Variants in MEIS2 observed in about 807,000 individuals in gnomAD.
MEIS2 encodes the protein homeobox protein Meis2.
Under a neutral mutation model 58.6 loss-of-function variants are expected in MEIS2, and 9 were observed. That is an observed-to-expected ratio of 0.15 (90% CI 0.09 to 0.27). The LOEUF is 0.27. MEIS2 is among the 10% of genes least tolerant of loss of function. The pLI, the probability that MEIS2 is intolerant of heterozygous loss-of-function variation, is 1.00. For synonymous variants in MEIS2, 221 were observed against 228.4 expected (o/e 0.97, Z 0.29); for missense variants, 427 against 635.0 (o/e 0.67, Z 3.52).
chr15:36,895,296 G>A, intron 10 of MEIS2, 35 bp from the exon 11 acceptor site: 3 of 1,572,384 alleles, frequency 1.9e-6, no homozygotes, highest in Non-Finnish European at 2.6e-6. Flanking sequence ...AGAGGAGAAA[G>A]AAGAAAAGAT....
intron 7 of MEIS2, among the ~76,000 whole-genome samples, chr15:37,049,579 T>C (rs759885807): frequency 6.6e-6 from 1 of 151,938 alleles, no homozygotes; most frequent in Admixed American, 6.6e-5. Flanking sequence ...CTCCGCCTCT[T>C]GGGTTCAAGC....
chr15:36,988,559 T>C (rs1434223104), intron 8 of MEIS2, among the ~76,000 whole-genome samples: 2 of 152,224 alleles, frequency 1.3e-5, no homozygotes, highest in Non-Finnish European at 2.9e-5. Context: ...GAAAATAGTT[T>C]GCCTTGGCCC....
chr15:37,040,974 T>C (rs2062397723), intron 7 of MEIS2, among the ~76,000 whole-genome samples: 1 of 152,180 alleles, frequency 6.6e-6, no homozygotes, highest in Admixed American at 6.5e-5. Context: ...ATTATCTAAA[T>C]TGAAATGAGA....
At position 37,062,232 on chromosome 15, in the gene MEIS2, C is replaced by G. The variant is rs900198678; in HGVS notation, c.754+21539G>C. 5.9e-5 allele frequency among the ~76,000 whole-genome samples: 9 copies of G among 152,240 alleles called. No homozygotes were observed. In the South Asian group the frequency reaches 1.9e-3, roughly 32 times the overall value. On this transcript the variant is annotated intron_variant, in intron 7 of 11. Transcript: ENST00000561208. ...CTTGACAAGCTAGTCCTCCCTCTTA[C>G]TGATGCCCTTGGCATAATTTCAATG...
intron 7 of MEIS2, among the ~76,000 whole-genome samples, chr15:37,046,719 C>G (rs2062687672): frequency 6.6e-6 from 1 of 152,084 alleles, no homozygotes; most frequent in African/African-American, 2.4e-5. Flanking sequence ...CCGTTAGGAA[C>G]CATAAAATGG....
chr15:37,078,648 C>T (rs1446851493), intron 7 of MEIS2, among the ~76,000 whole-genome samples: 1 of 121,618 alleles, frequency 8.2e-6, no homozygotes, highest in African/African-American at 3.2e-5. Context: ...AAAAAGAAAA[C>T]TCATTTTCTA....
intron 8 of MEIS2, among the ~76,000 whole-genome samples, chr15:36,997,058 T>C (rs1455029503): frequency 6.6e-6 from 1 of 152,150 alleles, no homozygotes; most frequent in African/African-American, 2.4e-5. Context: ...TAAAAAGCAT[T>C]GTATAGGAAT....
intron 7 of MEIS2, among the ~76,000 whole-genome samples, chr15:37,068,676 A>G (rs1239623193): frequency 6.6e-6 from 1 of 152,198 alleles, no homozygotes; most frequent in Non-Finnish European, 1.5e-5. Flanking sequence ...TGGCAAGTGT[A>G]CCATAAAAAC....
chr15:37,080,506 G>A (rs1378459007), intron 7 of MEIS2, among the ~76,000 whole-genome samples: 3 of 152,032 alleles, frequency 2.0e-5, no homozygotes, highest in Non-Finnish European at 2.9e-5. Flanking sequence ...TAGGAACAAG[G>A]GGCTGCTTCC....
In MEIS2 at chr15:37,078,847, C is replaced by T. The variant is rs375028108; in HGVS notation, c.754+4924G>A. ...CTCTAACTGGCATCAGGAGACATCC[C>T]TTTACATGACTCAGTTAAAAAAAAA... is the stretch of plus-strand genomic sequence containing the variant. On this transcript the variant is annotated intron_variant, in intron 7 of 11. Coordinates refer to ENST00000561208, the MANE Select transcript of MEIS2 (RefSeq NM_170675.5). Among the ~76,000 whole-genome samples the T allele has an allele frequency of 1.5e-4, 23 of 151,946 alleles. No homozygotes were observed. The South Asian group carries it at 4.8e-3, about 32-fold the overall frequency.
At chr15:36,966,437 C>A (rs1350111622) in intron 8 of MEIS2, among the ~76,000 whole-genome samples, 3 of 152,118 alleles carry the variant, frequency 2.0e-5, no homozygotes, top group Non-Finnish European at 4.4e-5. Context: ...AGTATTATGG[C>A]TAAAAGTAGG....
intron 8 of MEIS2, among the ~76,000 whole-genome samples, chr15:36,987,330 C>G (rs12439246): frequency 0.34 from 50,807 of 150,276 alleles, 9,869 homozygotes; most frequent in African/African-American, 0.49. Flanking sequence ...ATCATTTGAA[C>G]CTGGTATGCA....
intron 8 of MEIS2, among the ~76,000 whole-genome samples, chr15:37,010,553 T>G (rs2061110917): frequency 1.3e-5 from 2 of 152,040 alleles, no homozygotes; most frequent in Non-Finnish European, 2.9e-5. Context: ...TTCCTAATTT[T>G]TTTTGGTAGA....
chr15:36,938,937 C>T (rs1325936742), intron 9 of MEIS2, among the ~76,000 whole-genome samples: 1 of 152,180 alleles, frequency 6.6e-6, no homozygotes, highest in East Asian at 1.9e-4. Context: ...AACCTTCCTC[C>T]ATGCTGTCCC....
chr15:37,075,642 G>A (rs570714546), intron 7 of MEIS2, among the ~76,000 whole-genome samples: 1 of 152,082 alleles, frequency 6.6e-6, no homozygotes, highest in Admixed American at 6.6e-5. Flanking sequence ...CCAGATAATC[G>A]AAGAAGTGAT....
At position 37,042,972 on chromosome 15, in the gene MEIS2, C is replaced by T. The variant is rs1342684096; in HGVS notation, c.755-6013G>A. On this transcript the variant is annotated intron_variant, in intron 7 of 11. Transcript: ENST00000561208. The stretch of plus-strand genomic sequence containing the variant: ...CAGTACTATTAAAAACTTCATAGAA[C>T]TGTGATTACAACGATATATTCACAT... Among the ~76,000 whole-genome samples, 3 of 152,284 alleles carry T rather than the reference C, an allele frequency of 2.0e-5. No individual in the cohort carries two copies. In the East Asian group the frequency reaches 5.8e-4, roughly 29 times the overall value.
intron 7 of MEIS2, among the ~76,000 whole-genome samples, chr15:37,072,861 C>T (rs138895842): frequency 9.9e-5 from 15 of 151,994 alleles, no homozygotes; most frequent in South Asian, 2.1e-4. Flanking sequence ...TAAAACCTTC[C>T]GAATTTTGTG....
intron 6 of MEIS2, among the ~76,000 whole-genome samples, chr15:37,084,200 T>G (rs1371131871): frequency 6.6e-6 from 1 of 151,400 alleles, no homozygotes; most frequent in African/African-American, 2.4e-5. Context: ...ATTTCTAAAG[T>G]AAAAAAAAAT....
At chr15:37,040,657 C>T (rs185816072) in intron 7 of MEIS2, among the ~76,000 whole-genome samples, 59 of 152,284 alleles carry the variant, frequency 3.9e-4, no homozygotes, top group African/African-American at 1.4e-3. Flanking sequence ...GGTTGCTAAT[C>T]CCTTGACCAA....
Sources: allele counts gnomAD v4.1 joint callset (sites outside exome capture counted in the v4.1 genomes callset), GRCh38; gene constraint gnomAD v4.1.1; transcripts MANE v1.5; gene names NCBI Gene and HGNC (gene_info 2026-07-23, HGNC 2026-07-21).